Variants in EPHA5 observed in about 807,000 individuals in gnomAD.
EPHA5 encodes the protein EPH receptor A5, also known as ephrin type-A receptor 5.
A neutral mutation model predicts 105.0 loss-of-function variants in EPHA5; 60 were observed. The observed-to-expected ratio is 0.57, with a 90% CI of 0.46 to 0.71. The LOEUF (loss-of-function observed/expected upper bound fraction) is 0.71. EPHA5 is among the 30% of genes least tolerant of loss of function. EPHA5 has a pLI of 0.00. For missense variants in EPHA5, 1,218 were observed against 1,274.7 expected (o/e 0.96, Z 0.68); for synonymous variants, 513 against 449.1 (o/e 1.14, Z -1.80).
intron 3 of EPHA5, among the ~76,000 whole-genome samples, chr4:65,591,632 T>C (rs1361935711): frequency 1.3e-5 from 2 of 151,844 alleles, no homozygotes; most frequent in African/African-American, 4.8e-5. Flanking sequence ...GCTTCAGAGA[T>C]TGTGATCAGA....
At chr4:65,341,930 T>G (rs1560429527) in intron 14 of EPHA5, among the ~76,000 whole-genome samples, 1 of 152,164 alleles carries the variant, frequency 6.6e-6, no homozygotes, top group African/African-American at 2.4e-5. Flanking sequence ...AGAAATAGTT[T>G]CAGATATATC....
chr4:65,553,387 G>A (rs1051338510), intron 3 of EPHA5, among the ~76,000 whole-genome samples: 1 of 151,902 alleles, frequency 6.6e-6, no homozygotes, highest in Non-Finnish European at 1.5e-5. Flanking sequence ...TAAAGTGACT[G>A]TTACTTTATG....
intron 7 of EPHA5, among the ~76,000 whole-genome samples, chr4:65,407,899 G>A (rs1415407587): frequency 6.6e-6 from 1 of 151,546 alleles, no homozygotes; most frequent in Non-Finnish European, 1.5e-5. Flanking sequence ...GGGACTACAG[G>A]CCTGCACCAC....
intron 8 of EPHA5, among the ~76,000 whole-genome samples, chr4:65,387,766 A>G (rs1452493576): frequency 6.6e-6 from 1 of 151,800 alleles, no homozygotes; most frequent in Non-Finnish European, 1.5e-5. Flanking sequence ...AATGTAGAAT[A>G]CTGGTTTATT....
chr4:65,597,481 G>T (rs139324986), intron 3 of EPHA5, among the ~76,000 whole-genome samples: 314 of 127,734 alleles, frequency 2.5e-3, no homozygotes, highest in Non-Finnish European at 4.0e-3. Context: ...TCTCACATGA[G>T]TCTTAAGGGG....
chr4:65,532,812 A>C (rs1560658938), intron 3 of EPHA5, among the ~76,000 whole-genome samples: 1 of 151,776 alleles, frequency 6.6e-6, no homozygotes, highest in Non-Finnish European at 1.5e-5. Flanking sequence ...AGTATTTTCC[A>C]GCTATAGGCA....
chr4:65,636,612 G>T (rs1342719307), intron 2 of EPHA5, among the ~76,000 whole-genome samples: 1 of 151,954 alleles, frequency 6.6e-6, no homozygotes, highest in African/African-American at 2.4e-5. Flanking sequence ...TATACTGAAA[G>T]TGTATTTTTT....
intron 8 of EPHA5, among the ~76,000 whole-genome samples, chr4:65,398,034 C>A (rs528779543): frequency 2.6e-5 from 4 of 152,148 alleles, no homozygotes; most frequent in African/African-American, 7.2e-5. Context: ...TCACCACCCC[C>A]CTTCCAAGTT....
At chr4:65,395,379 G>C (rs926262969) in intron 8 of EPHA5, among the ~76,000 whole-genome samples, 6 of 152,156 alleles carry the variant, frequency 3.9e-5, no homozygotes, top group African/African-American at 7.2e-5. Flanking sequence ...TGTGCAATAA[G>C]TGTCCAAAAA....
rs554113037 is a variant in EPHA5, at chr4:65,591,526, C to T, written c.910+10115G>A. ...CATTTCTCAGAATTAGTTTTGTGTT[C>T]CCAAGTTTCACTCATATATTTATTT... On this transcript the variant is annotated intron_variant, in intron 3 of 16. Coordinates refer to ENST00000613740, the MANE Select transcript of EPHA5 (RefSeq NM_001281766.3). 3.7e-4 allele frequency among the ~76,000 whole-genome samples: 56 copies of T among 151,916 alleles called. No homozygotes were observed. In the East Asian group the frequency reaches 8.1e-3, roughly 22 times the overall value.
chr4:65,373,992 C>A (rs1040148043), intron 8 of EPHA5, among the ~76,000 whole-genome samples: 3 of 151,800 alleles, frequency 2.0e-5, no homozygotes, highest in African/African-American at 7.3e-5. Flanking sequence ...ACATTGGTTT[C>A]TGTAAGCACA....
intron 2 of EPHA5, among the ~76,000 whole-genome samples, chr4:65,631,928 G>T (rs1267790131): frequency 6.6e-6 from 1 of 151,554 alleles, no homozygotes; most frequent in Admixed American, 6.6e-5. Context: ...TGAACCTAAA[G>T]AACAAATAAT....
chr4:65,634,265 A>G (rs567639413), intron 2 of EPHA5, among the ~76,000 whole-genome samples: 1 of 152,228 alleles, frequency 6.6e-6, no homozygotes, highest in South Asian at 2.1e-4. Context: ...TTTTACATAT[A>G]TAACCAGGGT....
intron 5 of EPHA5, among the ~76,000 whole-genome samples, chr4:65,452,215 A>G (rs1727134682): frequency 1.3e-5 from 2 of 152,128 alleles, no homozygotes; most frequent in African/African-American, 4.8e-5. Flanking sequence ...GTGTTTAACC[A>G]CTTCAGAGAT....
intron 2 of EPHA5, among the ~76,000 whole-genome samples, chr4:65,607,402 G>C (rs1189291416): frequency 1.3e-5 from 2 of 151,924 alleles, no homozygotes; most frequent in Admixed American, 1.3e-4. Flanking sequence ...TACAGAATGG[G>C]AGAAAATTTC....
chr4:65,624,235 GGAT>G (rs1188067878), intron 2 of EPHA5, among the ~76,000 whole-genome samples: 6 of 151,944 alleles, frequency 3.9e-5, no homozygotes, highest in African/African-American at 1.5e-4. Context: ...ATGTTAGAGA[GGAT>G]AAGAAAATCA....
chr4:65,325,014 C>T (rs953357861), intron 16 of EPHA5, among the ~76,000 whole-genome samples: 1 of 151,286 alleles, frequency 6.6e-6, no homozygotes, highest in African/African-American at 2.4e-5. Context: ...TTTAGGAATG[C>T]TATTCCCCTA....
chr4:65,465,483 G>T lies in EPHA5; in HGVS notation c.1402+24894C>A, dbSNP rs1223467454. On this transcript the variant is annotated intron_variant, in intron 5 of 16. Coordinates refer to ENST00000613740, the MANE Select transcript of EPHA5 (RefSeq NM_001281766.3). Reference sequence around the variant, plus strand: ...AAAGAAAGAAAAAGAAAGAAAGAAAGAAAGAAAGAAAGAAAGAAAGAAAGA... The same window carrying T: ...AAAGAAAGAAAAAGAAAGAAAGAAATAAAGAAAGAAAGAAAGAAAGAAAGA... Among the ~76,000 whole-genome samples, 47 of 82,454 alleles carry T rather than the reference G, an allele frequency of 5.7e-4. No individual in the cohort carries two copies. In the East Asian group the frequency reaches 0.013, roughly 23 times the overall value. 54.1% of individuals were successfully genotyped at this position (82,454 alleles called of 152,430 possible).
chr4:65,331,602 A>C, intron 16 of EPHA5: 1 of 1,067,394 alleles, frequency 9.4e-7, no homozygotes. Flanking sequence ...AGGACTAGCC[A>C]CACCAATTGT....
Sources: gnomAD v4.1 joint callset for allele counts (sites outside exome capture counted in the v4.1 genomes callset) on GRCh38, gnomAD v4.1.1 for gene constraint, MANE v1.5 for transcripts, NCBI Gene and HGNC (gene_info 2026-07-23, HGNC 2026-07-21) for gene names.